JMJD1C: variants seen among roughly 807,000 people sequenced by gnomAD.
JMJD1C encodes jumonji domain containing 1C, also known as jumonji domain-containing protein 1C.
JMJD1C carries 31 observed loss-of-function variants against 245.3 expected under a neutral mutation model. The observed-to-expected ratio is 0.13, with a 90% CI of 0.09 to 0.17. JMJD1C has a LOEUF of 0.17. Among genes scored for constraint, JMJD1C ranks in the 10% least tolerant of loss-of-function variants. The pLI, the probability that JMJD1C is intolerant of heterozygous loss-of-function variation, is 1.00. For synonymous variants in JMJD1C, 1,057 were observed against 1,017.4 expected (o/e 1.04, Z -0.74); for missense variants, 2,691 against 3,000.2 (o/e 0.90, Z 2.41).
intron 2 of JMJD1C, among the ~76,000 whole-genome samples, chr10:63,350,616 CTTT>C (rs71025164): frequency 5.0e-5 from 6 of 119,370 alleles, no homozygotes; most frequent in Non-Finnish European, 7.2e-5. Flanking sequence ...GCAGAACCAA[CTTT>C]TTTTTTTTTT....
intron 13 of JMJD1C, 113 bp from the exon 14 acceptor site, chr10:63,194,488 C>A (rs1845218101): frequency 3.8e-5 from 24 of 631,382 alleles, no homozygotes; most frequent in South Asian, 9.1e-5. Flanking sequence ...GAGTCACAGC[C>A]AAAGAGAAAA....
chr10:63,495,068 C>T (rs1360046915), intron 1 of JMJD1C, among the ~76,000 whole-genome samples: 2 of 152,036 alleles, frequency 1.3e-5, no homozygotes, highest in Non-Finnish European at 2.9e-5. Context: ...ATATCTATTC[C>T]TCCAAGTGCT....
intron 2 of JMJD1C, among the ~76,000 whole-genome samples, chr10:63,367,372 G>C (rs79299670): frequency 6.6e-6 from 1 of 151,944 alleles, no homozygotes; most frequent in Non-Finnish European, 1.5e-5. Context: ...TCAGCCTCCC[G>C]AGTAGCTAGG....
intron 2 of JMJD1C, among the ~76,000 whole-genome samples, chr10:63,323,754 A>T (rs753151113): frequency 7.2e-5 from 11 of 152,154 alleles, no homozygotes; most frequent in Non-Finnish European, 1.0e-4. Context: ...TTTGTATTAG[A>T]GTTCTCCACA....
intron 1 of JMJD1C, among the ~76,000 whole-genome samples, chr10:63,454,941 T>A (rs887980932): frequency 2.6e-5 from 4 of 152,206 alleles, no homozygotes; most frequent in African/African-American, 9.6e-5. Context: ...AAATACTTCA[T>A]AAGTTGAATT....
intron 4 of JMJD1C, among the ~76,000 whole-genome samples, chr10:63,218,662 A>C (rs1426973238): frequency 6.6e-6 from 1 of 152,132 alleles, no homozygotes; most frequent in Non-Finnish European, 1.5e-5. Flanking sequence ...TAGGGACTAT[A>C]CTGCCCCTTA....
At chr10:63,479,342 T>C (rs1423949282) in intron 1 of JMJD1C, among the ~76,000 whole-genome samples, 1 of 151,740 alleles carries the variant, frequency 6.6e-6, no homozygotes, top group African/African-American at 2.4e-5. Context: ...CCAGGAATAG[T>C]AAAGAAAGTA....
intron 1 of JMJD1C, among the ~76,000 whole-genome samples, chr10:63,388,348 GAA>G (rs71463520): frequency 3.8e-5 from 5 of 131,222 alleles, no homozygotes; most frequent in Admixed American, 7.6e-5. Flanking sequence ...AGCTGAAGGA[GAA>G]AAAAAAAAAA....
At chr10:63,374,608 T>A (rs931436945) in intron 2 of JMJD1C, among the ~76,000 whole-genome samples, 1 of 152,168 alleles carries the variant, frequency 6.6e-6, no homozygotes, top group Non-Finnish European at 1.5e-5. Flanking sequence ...ATATACATTT[T>A]AAAAAATCAG....
intron 1 of JMJD1C, among the ~76,000 whole-genome samples, chr10:63,382,127 C>T (rs1481609356): frequency 6.6e-6 from 1 of 152,168 alleles, no homozygotes; most frequent in African/African-American, 2.4e-5. Flanking sequence ...AGGAGAATGG[C>T]TTGAATCCAG....
intron 4 of JMJD1C, 127 bp from the exon 5 acceptor site, chr10:63,217,458 G>C: frequency 1.5e-6 from 1 of 681,244 alleles, no homozygotes; most frequent in East Asian, 3.0e-5. Context: ...TCAAAAAAAT[G>C]TTTTAGAAGT....
chr10:63,493,924 CAA>C (rs917084097), intron 1 of JMJD1C, among the ~76,000 whole-genome samples: 8 of 152,098 alleles, frequency 5.3e-5, no homozygotes, highest in African/African-American at 1.7e-4. Flanking sequence ...AAAATAAAAA[CAA>C]AGAGAGAGAG....
chr10:63,223,154 A>C, intron 3 of JMJD1C: 15 of 573,232 alleles, frequency 2.6e-5, no homozygotes, highest in East Asian at 9.1e-5. Context: ...ACCCAAACAA[A>C]CAAAAACTTC....
rs555982135 is a variant in JMJD1C, at chr10:63,381,074, T to C, written c.169-592A>G. Among the ~76,000 whole-genome samples, 10 of 152,296 alleles carry C rather than the reference T, an allele frequency of 6.6e-5. No homozygotes were observed. The South Asian group carries it at 1.9e-3, about 28-fold the overall frequency. ...AATGTGGTATATATACACAATAGAA[T>C]ACAATTAGGCCATAAAAAAGAATGA... On this transcript the variant is annotated intron_variant, in intron 1 of 25. Transcript: ENST00000399262.
intron 1 of JMJD1C, among the ~76,000 whole-genome samples, chr10:63,419,297 G>A (rs1949979817): frequency 6.6e-6 from 1 of 152,030 alleles, no homozygotes; most frequent in South Asian, 2.1e-4. Flanking sequence ...TGAGGCAGGA[G>A]AATGGCTTGA....
intron 1 of JMJD1C, among the ~76,000 whole-genome samples, chr10:63,436,432 T>C (rs1389964242): frequency 1.3e-5 from 2 of 152,194 alleles, no homozygotes; most frequent in African/African-American, 4.8e-5. Flanking sequence ...GGTGTAGCTG[T>C]TTCCTCTACC....
chr10:63,370,446 AC>A (rs1237914953), intron 2 of JMJD1C, among the ~76,000 whole-genome samples: 4 of 152,248 alleles, frequency 2.6e-5, no homozygotes, highest in Admixed American at 2.0e-4. Flanking sequence ...TATTATGAAC[AC>A]AGTGAGACAT....
intron 13 of JMJD1C, 150 bp from the exon 14 acceptor site, chr10:63,194,525 A>G: frequency 9.1e-6 from 5 of 547,350 alleles, no homozygotes; most frequent in Non-Finnish European, 1.3e-5. Flanking sequence ...AATGAAATAA[A>G]ATGTCAATGA....
intron 24 of JMJD1C, among the ~76,000 whole-genome samples, chr10:63,174,437 CTG>C (rs1842684551): frequency 2.0e-5 from 3 of 152,124 alleles, no homozygotes. Flanking sequence ...AGGGTACATA[CTG>C]TGTGAGTCCA....
Sources: allele counts gnomAD v4.1 joint callset (sites outside exome capture counted in the v4.1 genomes callset), GRCh38; gene constraint gnomAD v4.1.1; transcripts MANE v1.5; gene names NCBI Gene and HGNC (gene_info 2026-07-23, HGNC 2026-07-21).